Variants in DGKB observed in about 807,000 individuals in gnomAD.
The protein encoded by DGKB is diacylglycerol kinase beta, also known as 90 kDa diacylglycerol kinase.
Under a neutral mutation model 114.3 loss-of-function variants are expected in DGKB, and 67 were observed. The ratio of observed to expected loss-of-function variants is 0.59; its 90% CI spans 0.48 to 0.72. The LOEUF (loss-of-function observed/expected upper bound fraction) is 0.72. Among genes scored for constraint, DGKB ranks in the 30% least tolerant of loss-of-function variants. The probability of loss-of-function intolerance (pLI) is 0.00; values close to 1 mark genes in which losing one functional copy is unlikely to be tolerated. For synonymous variants in DGKB, 398 were observed against 323.1 expected (o/e 1.23, Z -2.49); for missense variants, 907 against 975.2 (o/e 0.93, Z 0.93).
chr7:14,630,575 A>G (rs1368395671), intron 13 of DGKB, among the ~76,000 whole-genome samples: 1 of 151,974 alleles, frequency 6.6e-6, no homozygotes, highest in Admixed American at 6.6e-5. Flanking sequence ...TCTTTAATAA[A>G]TAATTTCCAC....
chr7:14,288,182 G>C (rs1451612396), intron 23 of DGKB, among the ~76,000 whole-genome samples: 1 of 147,154 alleles, frequency 6.8e-6, no homozygotes, highest in Non-Finnish European at 1.5e-5. Context: ...GAACTGATCA[G>C]GCAGAATTTC....
chr7:14,291,826 G>C (rs559707271), intron 23 of DGKB, among the ~76,000 whole-genome samples: 1 of 152,132 alleles, frequency 6.6e-6, no homozygotes, highest in African/African-American at 2.4e-5. Context: ...CAAAGATCTT[G>C]TTGCCCTGAA....
At chr7:14,212,802 A>G (rs1260949847) in intron 23 of DGKB, among the ~76,000 whole-genome samples, 1 of 152,048 alleles carries the variant, frequency 6.6e-6, no homozygotes, top group Admixed American at 6.6e-5. Context: ...TTTCACCACC[A>G]TCCATCTAAC....
chr7:14,334,362 A>ATGTGTG (rs750329719), intron 23 of DGKB, among the ~76,000 whole-genome samples: 2,594 of 144,736 alleles, frequency 0.018, 68 homozygotes, highest in African/African-American at 0.062. Flanking sequence ...GTATATACAT[A>ATGTGTG]TGTGTGTGTG....
At position 14,387,459 on chromosome 7, in the gene DGKB, C is replaced by T. The variant is rs184745760; in HGVS notation, c.1836-42068G>A. On this transcript the variant is annotated intron_variant, in intron 21 of 25. Coordinates refer to ENST00000402815, the MANE Select transcript of DGKB (RefSeq NM_001350709.2). ...ACAGGGTCTCATTCTGTTGCCCAGG[C>T]TGGAGTGCAGTGGCATAATCTGGGT... 3.2e-4 allele frequency among the ~76,000 whole-genome samples: 48 copies of T among 150,650 alleles called. 1 individual carries two copies. Among genetic ancestry groups the T allele is most frequent in the Admixed American group, 3.1e-3 (47 of 15,130 alleles).
chr7:14,624,972 T>C (rs1808317043), intron 14 of DGKB, among the ~76,000 whole-genome samples: 1 of 152,040 alleles, frequency 6.6e-6, no homozygotes, highest in Non-Finnish European at 1.5e-5. Flanking sequence ...AACTCCATCC[T>C]GAGAGACAGA....
rs71846844 is a variant in DGKB, at chr7:14,304,087, ACT to A, written c.2122+34426_2122+34427del. Among the ~76,000 whole-genome samples, 897 of 110,110 alleles carry A rather than the reference ACT, an allele frequency of 8.1e-3. 26 individuals carry two copies. The East Asian group carries it at 0.12, about 15-fold the overall frequency. The allele number at this position is 110,110 out of a possible 152,430, so 72.2% of individuals were successfully genotyped here. On this transcript the variant is annotated intron_variant, in intron 23 of 25. Transcript: ENST00000402815. ...CACACACACACACACACACACACAC[ACT>A]CTCTCTCTCTCACCCCTACCTCAAG...
At chr7:14,452,700 G>A (rs1422094527) in intron 21 of DGKB, among the ~76,000 whole-genome samples, 2 of 151,868 alleles carry the variant, frequency 1.3e-5, no homozygotes, top group Non-Finnish European at 2.9e-5. Flanking sequence ...AATGCAAAAA[G>A]GAAACAACTA....
intron 20 of DGKB, among the ~76,000 whole-genome samples, chr7:14,516,788 T>A (rs977963345): frequency 6.6e-6 from 1 of 151,990 alleles, no homozygotes; most frequent in African/African-American, 2.4e-5. Context: ...GACTATGCAA[T>A]GGAAATCACA....
At chr7:14,405,033 A>C (rs1340003105) in intron 21 of DGKB, among the ~76,000 whole-genome samples, 3 of 151,802 alleles carry the variant, frequency 2.0e-5, no homozygotes, top group African/African-American at 4.8e-5. Context: ...TAAAATTTCA[A>C]ACTCCAATAG....
chr7:14,655,981 C>T (rs1815699683), intron 13 of DGKB, among the ~76,000 whole-genome samples: 1 of 151,440 alleles, frequency 6.6e-6, no homozygotes, highest in Non-Finnish European at 1.5e-5. Flanking sequence ...GTGAATAGAG[C>T]TAACAATAAT....
At chr7:14,386,548 A>G (rs1820371331) in intron 21 of DGKB, among the ~76,000 whole-genome samples, 1 of 152,212 alleles carries the variant, frequency 6.6e-6, no homozygotes, top group African/African-American at 2.4e-5. Context: ...TGACACTACC[A>G]TGTGCCAGTT....
chr7:14,158,196 G>A (rs1401609154), intron 25 of DGKB, among the ~76,000 whole-genome samples: 1 of 152,112 alleles, frequency 6.6e-6, no homozygotes, highest in Non-Finnish European at 1.5e-5. Flanking sequence ...ATTATTTTTA[G>A]TGTTACTATA....
chr7:14,615,926 T>G (rs1806422471), intron 15 of DGKB, among the ~76,000 whole-genome samples: 1 of 151,624 alleles, frequency 6.6e-6, no homozygotes, highest in African/African-American at 2.4e-5. Context: ...AAAATGAATA[T>G]AAATAGTTTT....
chr7:14,567,507 A>C, intron 20 of DGKB, among the ~76,000 whole-genome samples: 1 of 92,130 alleles, frequency 1.1e-5, no homozygotes. Context: ...ATAATTATAT[A>C]ATTATATATT....
At chr7:14,881,014 G>GC (rs1854146960) in intron 1 of DGKB, among the ~76,000 whole-genome samples, 1 of 152,062 alleles carries the variant, frequency 6.6e-6, no homozygotes, top group African/African-American at 2.4e-5. Flanking sequence ...TTAGGCCAAA[G>GC]ATTATAGGAA....
At chr7:14,661,968 C>T (rs1369505724) in intron 13 of DGKB, among the ~76,000 whole-genome samples, 1 of 151,936 alleles carries the variant, frequency 6.6e-6, no homozygotes, top group African/African-American at 2.4e-5. Context: ...AAAAACCAAA[C>T]ACCGCATATT....
chr7:14,482,988 T>A (rs997459502), intron 20 of DGKB, among the ~76,000 whole-genome samples: 12 of 152,116 alleles, frequency 7.9e-5, no homozygotes, highest in Admixed American at 7.2e-4. Flanking sequence ...TCTTTAATCA[T>A]CTGTGAAATG....
chr7:14,875,354 G>A (rs994784179), intron 1 of DGKB, among the ~76,000 whole-genome samples: 5 of 152,060 alleles, frequency 3.3e-5, no homozygotes, highest in African/African-American at 1.2e-4. Context: ...CTACCTGCTT[G>A]TAACTTAAAA....
Sources: gnomAD v4.1 joint callset for allele counts (sites outside exome capture counted in the v4.1 genomes callset) on GRCh38, gnomAD v4.1.1 for gene constraint, MANE v1.5 for transcripts, NCBI Gene and HGNC (gene_info 2026-07-23, HGNC 2026-07-21) for gene names.